RAB3GAP2: variants seen among roughly 807,000 people sequenced by gnomAD.
The protein encoded by RAB3GAP2 is RAB3 GTPase activating non-catalytic protein subunit 2, also known as rab3 GTPase-activating protein non-catalytic subunit.
In RAB3GAP2, 87 loss-of-function variants were observed where a neutral mutation model predicts 185.3. The ratio of observed to expected loss-of-function variants is 0.47; its 90% CI spans 0.39 to 0.56. The LOEUF is 0.56. Ranked by LOEUF, RAB3GAP2 falls within the 20% of genes least tolerant of loss-of-function variation. RAB3GAP2 has a pLI of 0.00. For missense variants in RAB3GAP2, 1,492 were observed against 1,638.2 expected (o/e 0.91, Z 1.54); for synonymous variants, 554 against 576.1 (o/e 0.96, Z 0.55).
intron 1 of RAB3GAP2, among the ~76,000 whole-genome samples, chr1:220,255,278 G>A (rs1239925198): frequency 6.6e-6 from 1 of 151,322 alleles, no homozygotes; most frequent in East Asian, 1.9e-4. Flanking sequence ...CTCATTCAGA[G>A]GTCAGCAACC....
At chr1:220,208,104 T>C (rs1385305052) in intron 7 of RAB3GAP2, 1 of 152,206 alleles carries the variant, frequency 6.6e-6, no homozygotes, top group Non-Finnish European at 1.5e-5. Context: ...TTGAGATGAT[T>C]TTCTTGCTTT....
chr1:220,172,866 T>C (rs959344795), intron 21 of RAB3GAP2, 124 bp from the exon 22 acceptor site: 1 of 692,878 alleles, frequency 1.4e-6, no homozygotes, highest in Non-Finnish European at 2.6e-6. Context: ...AAAAAATTAG[T>C]GGTTGCTTGC....
At chr1:220,220,023 T>G (rs1300080062) in intron 2 of RAB3GAP2, among the ~76,000 whole-genome samples, 1 of 152,214 alleles carries the variant, frequency 6.6e-6, no homozygotes, top group Non-Finnish European at 1.5e-5. Flanking sequence ...TCTCTAACAC[T>G]GCCCCTTTGA....
At chr1:220,153,445 C>T (rs771382475) in intron 32 of RAB3GAP2, 39 bp from the exon 33 acceptor site, 1 of 1,557,430 alleles carries the variant, frequency 6.4e-7, no homozygotes. Context: ...TGCATTGTTA[C>T]TGTTTCATTT....
chr1:220,164,702 A>G, intron 27 of RAB3GAP2, 31 bp downstream of exon 27: 1 of 1,588,814 alleles, frequency 6.3e-7, no homozygotes, highest in Non-Finnish European at 8.6e-7. Context: ...TTTAGATCAA[A>G]CAGTGATGTT....
rs2102869373 is a variant in RAB3GAP2, at chr1:220,190,475, G to A, written c.1533C>T (p.Thr511=). The change falls in exon 15 of 35, where the codon ACC becomes ACT. Residue 511 remains threonine (T), a synonymous_variant. Transcript: ENST00000358951. ...AAGTCTGTGGCTGCCAACTCTGACT[G>A]GTAACATTATTTAAACCCATTATTT... ...GYKIMGLNNV[T]SQSWQPQTYQ... 1 of 1,608,508 alleles carries A rather than the reference G, an allele frequency of 6.2e-7. No homozygotes were observed. The highest frequency in any genetic ancestry group is 2.2e-5 in the East Asian group (1 of 44,838).
chr1:220,212,770 G>A, intron 4 of RAB3GAP2, 117 bp downstream of exon 4: 1 of 876,654 alleles, frequency 1.1e-6, no homozygotes, highest in East Asian at 2.7e-5. Context: ...TAGGATTACA[G>A]ATGTGAACCA....
chr1:220,176,161 T>C (rs1002803651), intron 21 of RAB3GAP2, among the ~76,000 whole-genome samples: 7 of 151,966 alleles, frequency 4.6e-5, no homozygotes, highest in African/African-American at 1.4e-4. Context: ...AACTAGTAAA[T>C]ACAAAATAAG....
intron 2 of RAB3GAP2, among the ~76,000 whole-genome samples, chr1:220,222,242 T>G (rs1477889026): frequency 6.6e-6 from 1 of 152,188 alleles, no homozygotes; most frequent in Non-Finnish European, 1.5e-5. Context: ...TGCTACTAAC[T>G]ATAAAATGCT....
At chr1:220,198,167 C>T (rs11807323) in intron 9 of RAB3GAP2, among the ~76,000 whole-genome samples, 6,069 of 152,252 alleles carry the variant, frequency 0.04, 411 homozygotes, top group African/African-American at 0.14. Context: ...CTCGTTTCCC[C>T]CTACACACAT....
At position 220,191,102 on chromosome 1, in the gene RAB3GAP2, T is replaced by C. The variant is rs1478706530; in HGVS notation, c.1453A>G (p.Arg485Gly). The C allele has an allele frequency of 6.8e-6, 11 of 1,613,916 alleles. No individual in the cohort carries two copies. The highest frequency in any genetic ancestry group is 9.3e-6 in the Non-Finnish European group (11 of 1,179,976). Residue 485 changes from arginine to glycine, a missense_variant, in exon 14 of 35, where the codon AGA (arginine) becomes GGA (glycine). Arg to Gly is a moderately radical substitution (Grantham distance 125). Coordinates refer to ENST00000358951, the MANE Select transcript of RAB3GAP2 (RefSeq NM_012414.4). ...TTCCCCACATTGAAAGCTCCTACTC[T>C]AGGTCCCTGCTGTGTGCTCCACACT... ...LEVWSTQQGP[R>G]VGAFNVGKHC...
In RAB3GAP2 at chr1:220,196,413, A is replaced by T. The variant is rs1326595259; in HGVS notation, c.812-15T>A. 6.3e-7 allele frequency: 1 copy of T among 1,584,068 alleles called. No homozygotes were observed. ...AGTCATAATACCTAATAAAAAAAAA[A>T]AAGTGATTTGAATGTACAATGTTAT... On this transcript the variant is annotated splice_polypyrimidine_tract_variant and intron_variant, in intron 9 of 34. Coordinates refer to ENST00000358951, the MANE Select transcript of RAB3GAP2 (RefSeq NM_012414.4).
chr1:220,190,452 G>T lies in RAB3GAP2; in HGVS notation c.1556C>A (p.Thr519Asn). Reference protein sequence around the residue: ...NVTSQSWQPQTYQICLVDPVS... With the variant: ...NVTSQSWQPQNYQICLVDPVS... ...TGGATCAACCAGACAGATCTGATAA[G>T]TCTGTGGCTGCCAACTCTGACTGGT... The change falls in exon 15 of 35, where the codon ACT (threonine) becomes AAT (asparagine). Residue 519 changes from threonine to asparagine, a missense_variant. Coordinates refer to ENST00000358951, the MANE Select transcript of RAB3GAP2 (RefSeq NM_012414.4). The T allele has an allele frequency of 1.2e-6, 2 of 1,612,538 alleles. No homozygotes were observed. The highest frequency in any genetic ancestry group is 1.7e-6 in the Non-Finnish European group (2 of 1,178,524).
At chr1:220,246,789 A>C (rs1659826333) in intron 1 of RAB3GAP2, among the ~76,000 whole-genome samples, 1 of 109,228 alleles carries the variant, frequency 9.2e-6, no homozygotes, top group African/African-American at 3.6e-5. Context: ...GGGAGGGGGG[A>C]GGGATAGCAT....
At chr1:220,168,049 G>A (rs1160212803) in intron 24 of RAB3GAP2, among the ~76,000 whole-genome samples, 1 of 152,134 alleles carries the variant, frequency 6.6e-6, no homozygotes, top group Non-Finnish European at 1.5e-5. Context: ...AGATTGGTTA[G>A]TATGACATTT....
chr1:220,182,179 T>C (rs1431721301), intron 21 of RAB3GAP2, 78 bp downstream of exon 21: 3 of 1,176,108 alleles, frequency 2.6e-6, no homozygotes, highest in Non-Finnish European at 3.5e-6. Flanking sequence ...AGACAATAGT[T>C]AAAAAAAAAA....
intron 2 of RAB3GAP2, among the ~76,000 whole-genome samples, chr1:220,231,579 T>C (rs1209923668): frequency 2.6e-5 from 4 of 152,064 alleles, no homozygotes; most frequent in Admixed American, 2.6e-4. Context: ...CGTGTGGCCA[T>C]GGGCCTCAGG....
intron 1 of RAB3GAP2, among the ~76,000 whole-genome samples, chr1:220,241,517 A>G (rs1394949241): frequency 6.6e-6 from 1 of 152,064 alleles, no homozygotes; most frequent in Non-Finnish European, 1.5e-5. Flanking sequence ...CTTGTAAATA[A>G]TTTAGGGGAT....
chr1:220,196,786 A>G (rs12030281), intron 9 of RAB3GAP2, among the ~76,000 whole-genome samples: 143,450 of 151,594 alleles, frequency 0.95, 67,984 homozygotes, highest in East Asian at 1. Flanking sequence ...AGCTGAGGTC[A>G]CACCAACTGC....
Sources: allele counts gnomAD v4.1 joint callset (sites outside exome capture counted in the v4.1 genomes callset), GRCh38; gene constraint gnomAD v4.1.1; transcripts MANE v1.5; gene names NCBI Gene and HGNC (gene_info 2026-07-23, HGNC 2026-07-21).